The following NALF1 variants were observed in gnomAD, a reference collection of about 807,000 sequenced individuals.
NALF1 encodes the protein NALCN channel auxiliary factor 1, also known as family with sequence similarity 155 member A.
In NALF1, 3 loss-of-function variants were observed where a neutral mutation model predicts 48.4. The observed-to-expected ratio is 0.06, with a 90% confidence interval of 0.03 to 0.16. The LOEUF is 0.16. Among genes scored for constraint, NALF1 ranks in the 10% least tolerant of loss-of-function variants. The pLI is 1.00. For missense variants in NALF1, 526 were observed against 571.5 expected, an observed-to-expected ratio of 0.92 and a Z score of 0.81; for synonymous variants, 262 against 245.7, an observed-to-expected ratio of 1.07 and a Z score of -0.62.
chr13:107,786,516 A>G (rs2030736), intron 1 of NALF1, among the ~76,000 whole-genome samples: 66,084 of 150,424 alleles, frequency 0.44, 15,155 homozygotes, highest in East Asian at 0.73. Context: ...CTGAAGTCAG[A>G]AGTCAGGAGT....
intron 1 of NALF1, among the ~76,000 whole-genome samples, chr13:107,680,274 T>C (rs1428934504): frequency 6.6e-6 from 1 of 152,176 alleles, no homozygotes; most frequent in African/African-American, 2.4e-5. Flanking sequence ...ACCATGACTG[T>C]GATGACACCA....
At chr13:107,824,590 G>A (rs1449876342) in intron 1 of NALF1, among the ~76,000 whole-genome samples, 6 of 152,182 alleles carry the variant, frequency 3.9e-5, no homozygotes, top group Admixed American at 6.5e-5. Flanking sequence ...ATTCTGGCCT[G>A]TACTAATCCA....
At position 107,357,396 on chromosome 13, in the gene NALF1, T is replaced by C. The variant is rs551816736; in HGVS notation, c.916-146641A>G. On this transcript the variant is annotated intron_variant, in intron 1 of 2. Coordinates refer to ENST00000375915, the MANE Select transcript of NALF1 (RefSeq NM_001080396.3). ...GATCCGATCATCCCCACTTGGTCCCTCCCCTGACACATGGGTATTATAGGG... is the reference window on the plus strand; with the variant it reads ...GATCCGATCATCCCCACTTGGTCCCCCCCCTGACACATGGGTATTATAGGG... Among the ~76,000 whole-genome samples, 5 of 152,200 alleles carry C rather than the reference T, an allele frequency of 3.3e-5. No individual in the cohort carries two copies. In the East Asian group the frequency reaches 5.8e-4, roughly 18 times the overall value.
intron 1 of NALF1, among the ~76,000 whole-genome samples, chr13:107,808,365 ATATC>A (rs2138603880): frequency 6.6e-6 from 1 of 152,244 alleles, no homozygotes; most frequent in African/African-American, 2.4e-5. Flanking sequence ...TATGAAAGGA[ATATC>A]TATCTTTTTC....
At chr13:107,192,342 T>C (rs1409440364) in intron 2 of NALF1, among the ~76,000 whole-genome samples, 2 of 152,140 alleles carry the variant, frequency 1.3e-5, no homozygotes, top group Non-Finnish European at 2.9e-5. Flanking sequence ...TCCAGCTGAG[T>C]GTGTCTGGGC....
chr13:107,437,417 C>A (rs151256030), intron 1 of NALF1, among the ~76,000 whole-genome samples: 2 of 152,086 alleles, frequency 1.3e-5, no homozygotes. Context: ...AAAAGGACCA[C>A]ACAAAAACTT....
At chr13:107,680,420 G>A (rs966518515) in intron 1 of NALF1, among the ~76,000 whole-genome samples, 3 of 152,064 alleles carry the variant, frequency 2.0e-5, no homozygotes, top group Admixed American at 6.6e-5. Context: ...GTGTGTGTGC[G>A]TGTGAGTGTG....
chr13:107,542,512 T>C (rs1877025239), intron 1 of NALF1, among the ~76,000 whole-genome samples: 1 of 152,156 alleles, frequency 6.6e-6, no homozygotes, highest in Admixed American at 6.6e-5. Flanking sequence ...AAGTCAGTAA[T>C]GCTGTTTTTA....
chr13:107,359,916 G>A (rs1001471302), intron 1 of NALF1, among the ~76,000 whole-genome samples: 2 of 152,090 alleles, frequency 1.3e-5, no homozygotes, highest in African/African-American at 2.4e-5. Context: ...CTACTCCACT[G>A]TCATGATAAA....
At chr13:107,200,475 G>A (rs1244420039) in intron 2 of NALF1, among the ~76,000 whole-genome samples, 5 of 152,144 alleles carry the variant, frequency 3.3e-5, no homozygotes, top group African/African-American at 1.2e-4. Flanking sequence ...CCAAAAATGG[G>A]TTACATGGCA....
At chr13:107,679,300 T>G (rs917658919) in intron 1 of NALF1, among the ~76,000 whole-genome samples, 2 of 152,212 alleles carry the variant, frequency 1.3e-5, no homozygotes, top group Non-Finnish European at 2.9e-5. Flanking sequence ...TGTGAAAACC[T>G]TTAACTATAA....
At chr13:107,217,171 T>G (rs1879890711) in intron 1 of NALF1, among the ~76,000 whole-genome samples, 1 of 152,154 alleles carries the variant, frequency 6.6e-6, no homozygotes. Flanking sequence ...ACCACTCCAC[T>G]GAGATTGTTC....
At chr13:107,471,654 C>T (rs902152300) in intron 1 of NALF1, among the ~76,000 whole-genome samples, 4 of 152,118 alleles carry the variant, frequency 2.6e-5, no homozygotes, top group Admixed American at 2.6e-4. Flanking sequence ...ATAGAAACCT[C>T]AAAAATAAGC....
Position 107,618,398 on chromosome 13 carries a change from T to A in NALF1, c.915+247284A>T, listed in dbSNP as rs79926105. Among the ~76,000 whole-genome samples the A allele has an allele frequency of 4.7e-3, 720 of 152,288 alleles. 25 individuals are homozygous for A. In the East Asian group the frequency reaches 0.088, roughly 19 times the overall value. ...AGATGGGGCTAGAATATTGTGTGCA[T>A]TTGGGTTTTGTTTTATGATAAGTGT... On this transcript the variant is annotated intron_variant, in intron 1 of 2. Transcript: ENST00000375915.
intron 1 of NALF1, among the ~76,000 whole-genome samples, chr13:107,662,538 T>C (rs1391123157): frequency 1.3e-5 from 2 of 152,206 alleles, no homozygotes; most frequent in Non-Finnish European, 2.9e-5. Context: ...ATTTTTTCTT[T>C]AAAATTGGAG....
chr13:107,346,509 AT>A lies in NALF1; in HGVS notation c.916-135755del, dbSNP rs1484117461. 3.3e-5 allele frequency among the ~76,000 whole-genome samples: 5 copies of A among 152,370 alleles called. No individual in the cohort carries two copies. The East Asian group carries it at 7.7e-4, about 24-fold the overall frequency. Reference sequence around the variant, plus strand: ...CCTTGAGGAGATTATGCTAAGTGAAATAAACCAATTAGAAAAATACTGCATG... The same window carrying A: ...CCTTGAGGAGATTATGCTAAGTGAAAAAACCAATTAGAAAAATACTGCATG... On this transcript the variant is annotated intron_variant, in intron 1 of 2. Transcript: ENST00000375915.
At chr13:107,837,114 C>G (rs1175343741) in intron 1 of NALF1, among the ~76,000 whole-genome samples, 1 of 152,192 alleles carries the variant, frequency 6.6e-6, no homozygotes, top group Non-Finnish European at 1.5e-5. Context: ...TTTCCACCAG[C>G]TACCGGTTAC....
intron 1 of NALF1, among the ~76,000 whole-genome samples, chr13:107,354,569 G>T (rs538189686): frequency 6.6e-6 from 1 of 152,122 alleles, no homozygotes; most frequent in Non-Finnish European, 1.5e-5. Context: ...GTCCGCCCCC[G>T]AACAATAGGT....
chr13:107,649,503 C>A (rs1216602886), intron 1 of NALF1, among the ~76,000 whole-genome samples: 1 of 152,124 alleles, frequency 6.6e-6, no homozygotes, highest in South Asian at 2.1e-4. Context: ...CTTTGCCACA[C>A]ATGTACAATT....
Sources: gnomAD v4.1 joint callset for allele counts (sites outside exome capture counted in the v4.1 genomes callset) on GRCh38, gnomAD v4.1.1 for gene constraint, MANE v1.5 for transcripts, NCBI Gene and HGNC (gene_info 2026-07-23, HGNC 2026-07-21) for gene names.